NPEPPS: variants seen among roughly 807,000 people sequenced by gnomAD.
The protein encoded by NPEPPS is aminopeptidase puromycin sensitive.
A neutral mutation model predicts 115.5 loss-of-function variants in NPEPPS; 14 were observed. The ratio of observed to expected loss-of-function variants is 0.12; its 90% CI spans 0.08 to 0.19. The LOEUF (loss-of-function observed/expected upper bound fraction) is 0.19. Ranked by LOEUF, NPEPPS falls within the 10% of genes least tolerant of loss-of-function variation. The pLI is 1.00. For missense variants in NPEPPS, 523 were observed against 1,110.8 expected (o/e 0.47, Z 7.52); for synonymous variants, 285 against 390.6 (o/e 0.73, Z 3.19).
chr17:47,576,137 T>G (rs2143823370), intron 3 of NPEPPS, among the ~76,000 whole-genome samples: 1 of 152,220 alleles, frequency 6.6e-6, no homozygotes, highest in East Asian at 1.9e-4. Flanking sequence ...AAACCTACTT[T>G]TCTGAAATTG....
intron 2 of NPEPPS, among the ~76,000 whole-genome samples, chr17:47,556,565 C>G (rs1020215138): frequency 6.6e-6 from 1 of 152,216 alleles, no homozygotes; most frequent in Non-Finnish European, 1.5e-5. Flanking sequence ...CCGCCATCGT[C>G]ATCATGGCCC....
At chr17:47,537,654 T>A (rs998429637) in intron 1 of NPEPPS, among the ~76,000 whole-genome samples, 5 of 151,030 alleles carry the variant, frequency 3.3e-5, no homozygotes, top group African/African-American at 4.9e-5. Context: ...TGAGCTGAGA[T>A]CACGCCATTG....
intron 12 of NPEPPS, among the ~76,000 whole-genome samples, chr17:47,594,694 G>A (rs1314842150): frequency 5.9e-5 from 9 of 151,524 alleles, no homozygotes; most frequent in Admixed American, 4.6e-4. Flanking sequence ...GTGCAGTGGC[G>A]CGATCTCGGC....
chr17:47,548,490 A>G (rs1909393852), intron 2 of NPEPPS, among the ~76,000 whole-genome samples: 1 of 151,976 alleles, frequency 6.6e-6, no homozygotes, highest in Non-Finnish European at 1.5e-5. Flanking sequence ...ATCTAGTAAT[A>G]TAAATGTGTA....
intron 2 of NPEPPS, among the ~76,000 whole-genome samples, chr17:47,565,369 C>T (rs527465288): frequency 1.7e-3 from 264 of 151,904 alleles, no homozygotes; most frequent in African/African-American, 5.7e-3. Flanking sequence ...ATTAGCCAGG[C>T]GTGGTGGTGC....
chr17:47,593,439 G>A (rs1225236600), intron 12 of NPEPPS, among the ~76,000 whole-genome samples: 12 of 152,104 alleles, frequency 7.9e-5, no homozygotes, highest in African/African-American at 2.7e-4. Context: ...TGTGCCTGTA[G>A]TCCCAGCTAC....
chr17:47,619,847 G>T, intron 22 of NPEPPS, 63 bp downstream of exon 22: 1 of 1,231,294 alleles, frequency 8.1e-7, no homozygotes, highest in Non-Finnish European at 1.2e-6. Flanking sequence ...TAACCTGGTT[G>T]TAATTATAGT....
chr17:47,564,238 G>GAAGC (rs1241956107), intron 2 of NPEPPS, among the ~76,000 whole-genome samples: 1 of 151,844 alleles, frequency 6.6e-6, no homozygotes, highest in Non-Finnish European at 1.5e-5. Flanking sequence ...CTTTAATTAA[G>GAAGC]AAGCAAGTGC....
chr17:47,598,578 G>A (rs993040155), intron 13 of NPEPPS, among the ~76,000 whole-genome samples: 5 of 152,022 alleles, frequency 3.3e-5, no homozygotes, highest in East Asian at 3.8e-4. Context: ...TGGGTAACAC[G>A]GCAAGATGCT....
At chr17:47,597,898 G>C (rs150576048) in intron 13 of NPEPPS, among the ~76,000 whole-genome samples, 2 of 152,252 alleles carry the variant, frequency 1.3e-5, no homozygotes, top group Middle Eastern at 3.4e-3. Flanking sequence ...CACACTGGAG[G>C]ACCTCTCAGT....
intron 2 of NPEPPS, among the ~76,000 whole-genome samples, chr17:47,565,854 A>G (rs995847436): frequency 6.6e-6 from 1 of 152,108 alleles, no homozygotes; most frequent in African/African-American, 2.4e-5. Context: ...CAGAGGCCTG[A>G]ATGACATAAA....
At chr17:47,599,911 G>C (rs927478664) in intron 14 of NPEPPS, among the ~76,000 whole-genome samples, 172 bp downstream of exon 14, 1 of 151,680 alleles carries the variant, frequency 6.6e-6, no homozygotes, top group African/African-American at 2.4e-5. Context: ...TCCACCTCCT[G>C]GGTTCAAGCA....
intron 1 of NPEPPS, among the ~76,000 whole-genome samples, chr17:47,542,982 C>A (rs1299357555): frequency 6.6e-6 from 1 of 151,518 alleles, no homozygotes; most frequent in Admixed American, 6.6e-5. Context: ...ACTAAAAATA[C>A]AAAAATTAGA....
intron 18 of NPEPPS, 100 bp downstream of exon 18, chr17:47,612,702 C>T (rs987198540): frequency 3.7e-5 from 45 of 1,214,858 alleles, no homozygotes; most frequent in African/African-American, 1.6e-4. Context: ...CTTGCTCTGT[C>T]GCCCAGGCTG....
chr17:47,558,618 G>A (rs545852570), intron 2 of NPEPPS, among the ~76,000 whole-genome samples: 15 of 152,200 alleles, frequency 9.9e-5, no homozygotes, highest in Middle Eastern at 3.4e-3. Context: ...TTGTAGAGAT[G>A]GGGTTTCACC....
At chr17:47,557,459 G>A (rs1910127184) in intron 2 of NPEPPS, 1 of 146,632 alleles carries the variant, frequency 6.8e-6, no homozygotes, top group Non-Finnish European at 1.5e-5. Flanking sequence ...ATCATAGCCA[G>A]TTACAGATTT....
chr17:47,542,825 A>C (rs1166832972), intron 1 of NPEPPS, among the ~76,000 whole-genome samples: 1 of 152,162 alleles, frequency 6.6e-6, no homozygotes, highest in Non-Finnish European at 1.5e-5. Context: ...GCATATAAGC[A>C]AGGTTATGAC....
Position 47,613,659 on chromosome 17 carries a change from TC to T in NPEPPS, c.2239-7del. 1 of 1,603,106 alleles carries T rather than the reference TC, an allele frequency of 6.2e-7. No individual in the cohort carries two copies. The highest frequency in any genetic ancestry group is 8.5e-7 in the Non-Finnish European group (1 of 1,171,816). ...ATTTAATCAAATGACTTATTTTTTG[TC>T]CCTTGTAGGTCTATCTGACTGTTTT... is the stretch of plus-strand genomic sequence containing the variant. On this transcript the variant is annotated splice_polypyrimidine_tract_variant and intron_variant, in intron 18 of 22. Transcript: ENST00000322157.
At chr17:47,548,587 GTTC>G (rs1909401274) in intron 2 of NPEPPS, among the ~76,000 whole-genome samples, 3 of 131,100 alleles carry the variant, frequency 2.3e-5, no homozygotes, top group African/African-American at 2.9e-5. Flanking sequence ...TGACTGAAAA[GTTC>G]TTTTTTTTTT....
Sources: gnomAD v4.1 joint callset for allele counts (sites outside exome capture counted in the v4.1 genomes callset) on GRCh38, gnomAD v4.1.1 for gene constraint, MANE v1.5 for transcripts, NCBI Gene and HGNC (gene_info 2026-07-23, HGNC 2026-07-21) for gene names.